ADCY7: variants seen among roughly 807,000 people sequenced by gnomAD.
ADCY7 encodes adenylate cyclase 7, also known as adenylate cyclase type 7.
A neutral mutation model predicts 120.6 loss-of-function variants in ADCY7; 72 were observed. The observed-to-expected ratio is 0.60, with a 90% CI of 0.49 to 0.73. ADCY7 has a LOEUF of 0.73. Ranked by LOEUF, ADCY7 falls within the 30% of genes least tolerant of loss-of-function variation. The pLI, the probability that ADCY7 is intolerant of heterozygous loss-of-function variation, is 0.00. For synonymous variants in ADCY7, 661 were observed against 628.0 expected, an observed-to-expected ratio of 1.05 and a Z score of -0.78; for missense variants, 1,227 against 1,486.0, an observed-to-expected ratio of 0.83 and a Z score of 2.87.
In ADCY7 at chr16:50,300,763, A is replaced by G. The variant is rs763931931; in HGVS notation, c.1125A>G (p.Ile375Met). 1.3e-6 allele frequency: 2 copies of G among 1,552,618 alleles called. No homozygotes were observed. Among genetic ancestry groups the G allele is most frequent in the Non-Finnish European group, 1.7e-6 (2 of 1,147,510 alleles). ...TGGACATCAACATGCGTGTGGGCAT[A>G]CACTCGGGGAATGTGCTGTGCGGGG... is the stretch of plus-strand genomic sequence containing the variant. ...TGVDINMRVGIHSGNVLCGVI... is the reference protein window; with the variant it reads ...TGVDINMRVGMHSGNVLCGVI... Residue 375 changes from isoleucine (I) to methionine (M), a missense_variant, in exon 9 of 26, where the codon ATA becomes ATG. Ile to Met is a conservative substitution (Grantham distance 10). This residue lies in a region of ADCY7 where 332 missense variants were observed against 455.8 expected (regional missense o/e 0.73). Transcript: ENST00000673801.
chr16:50,271,978 C>T (rs1024740281), intron 1 of ADCY7, among the ~76,000 whole-genome samples: 17 of 152,196 alleles, frequency 1.1e-4, no homozygotes, highest in African/African-American at 3.9e-4. Context: ...CCCCCACCAC[C>T]GCTGACCACT....
intron 1 of ADCY7, among the ~76,000 whole-genome samples, chr16:50,248,180 G>A (rs530591499): frequency 5.5e-4 from 84 of 152,286 alleles, no homozygotes; most frequent in Admixed American, 5.4e-3. Flanking sequence ...AGTGGGCCTG[G>A]TGAGTGCCCG....
intron 4 of ADCY7, among the ~76,000 whole-genome samples, 167 bp downstream of exon 4, chr16:50,292,064 A>G (rs1265102295): frequency 6.6e-6 from 1 of 152,228 alleles, no homozygotes; most frequent in African/African-American, 2.4e-5. Context: ...GCTGGGCTCC[A>G]GGCGTGGCCC....
chr16:50,262,620 C>T (rs948782537), upstream of ADCY7, among the ~76,000 whole-genome samples: 5 of 152,208 alleles, frequency 3.3e-5, no homozygotes, highest in Non-Finnish European at 5.9e-5. Context: ...AGCCACCATG[C>T]CCTGCCGGCT....
chr16:50,247,881 G>C (rs1353959495), intron 1 of ADCY7, among the ~76,000 whole-genome samples: 1 of 152,166 alleles, frequency 6.6e-6, no homozygotes, highest in Non-Finnish European at 1.5e-5. Flanking sequence ...GGGCTTAAAA[G>C]AGTGGGTACT....
At chr16:50,299,359 G>A (rs114124456) in intron 8 of ADCY7, among the ~76,000 whole-genome samples, 2,170 of 152,346 alleles carry the variant, frequency 0.014, 52 homozygotes, top group African/African-American at 0.049. Context: ...GTAGGCAGCC[G>A]GGGGACCTTT....
rs940570470 is a variant in ADCY7 at position 50,267,213 on chromosome 16, T to G, written c.-269+533T>G. Among the ~76,000 whole-genome samples the G allele has an allele frequency of 3.3e-5, 5 of 152,340 alleles. 1 individual carries two copies. The South Asian group carries it at 8.3e-4, about 25-fold the overall frequency. Reference sequence around the variant, plus strand: ...CTGGTTTCCCTTTCCCTGCAATGCCTCTCCTCTATCCCCCAGGGACCGCAT... The same window carrying G: ...CTGGTTTCCCTTTCCCTGCAATGCCGCTCCTCTATCCCCCAGGGACCGCAT... On this transcript the variant is annotated intron_variant, in intron 1 of 25. Transcript: ENST00000673801.
In ADCY7 at chr16:50,315,760, G is replaced by A. The variant is rs1039635841; in HGVS notation, c.*255G>A. 2 of 417,794 alleles carry A rather than the reference G, an allele frequency of 4.8e-6. No homozygotes were observed. The highest frequency in any genetic ancestry group is 8.7e-6 in the Non-Finnish European group (2 of 229,254). 25.9% of individuals were successfully genotyped at this position (417,794 alleles called of 1,614,324 possible). A position where few individuals can be genotyped will look rare whatever the true frequency, so the allele number is the denominator to read the frequency against. ...TGTAACAGTTTCCAGGCCAGCTGGA[G>A]AATGTTCACTGGTTCGGGGCTGACT... is the stretch of plus-strand genomic sequence containing the variant. On this transcript the variant is annotated 3_prime_UTR_variant, in exon 26 of 26. Transcript: ENST00000673801.
intron 22 of ADCY7, 51 bp downstream of exon 22, chr16:50,313,087 G>A: frequency 1.9e-6 from 3 of 1,605,096 alleles, no homozygotes; most frequent in South Asian, 2.2e-5. Context: ...ATGCTGGAGA[G>A]GGAAGGGCGG....
chr16:50,267,346 A>T (rs528843693), intron 1 of ADCY7, among the ~76,000 whole-genome samples: 1 of 152,200 alleles, frequency 6.6e-6, no homozygotes, highest in African/African-American at 2.4e-5. Flanking sequence ...TCTCTGTGTC[A>T]TCACATCAGG....
intron 17 of ADCY7, 148 bp downstream of exon 17, chr16:50,308,940 C>G: frequency 1.0e-6 from 1 of 962,588 alleles, no homozygotes; most frequent in East Asian, 2.9e-5. Context: ...TTTGTACACT[C>G]AGGGCTCCTC....
At chr16:50,291,593 T>A (rs993339510) in intron 3 of ADCY7, 143 bp from the exon 4 acceptor site, 3 of 871,590 alleles carry the variant, frequency 3.4e-6, no homozygotes, top group Non-Finnish European at 5.4e-6. Context: ...TCTTGTTCCC[T>A]TGTATGTCTG....
intron 8 of ADCY7, among the ~76,000 whole-genome samples, chr16:50,299,717 A>G (rs1340628727): frequency 2.0e-5 from 3 of 152,196 alleles, no homozygotes; most frequent in Admixed American, 2.0e-4. Flanking sequence ...CCTGGCCTGC[A>G]CCACTGCCTG....
chr16:50,281,077 G>C (rs549221117), intron 1 of ADCY7, among the ~76,000 whole-genome samples: 13 of 152,182 alleles, frequency 8.5e-5, no homozygotes, highest in African/African-American at 3.1e-4. Context: ...ATGCGGTGGG[G>C]GGCCTGCCCA....
At chr16:50,262,197 C>A (rs1199448309), upstream of ADCY7, among the ~76,000 whole-genome samples, 1 of 152,032 alleles carries the variant, frequency 6.6e-6, no homozygotes, top group Non-Finnish European at 1.5e-5. Flanking sequence ...GGTAGGAAGT[C>A]CTTCTCCCCT....
intron 17 of ADCY7, 39 bp downstream of exon 17, chr16:50,308,831 G>C (rs564237496): frequency 6.4e-7 from 1 of 1,569,988 alleles, no homozygotes; most frequent in South Asian, 1.1e-5. Context: ...CCGGGGTAGA[G>C]GGAGACCTCC....
chr16:50,312,818 C>T, intron 21 of ADCY7, 72 bp from the exon 22 acceptor site: 2 of 1,457,836 alleles, frequency 1.4e-6, no homozygotes, highest in East Asian at 2.7e-5. Context: ...GCCATCTGCT[C>T]CTGAGGCCTT....
chr16:50,264,769 T>G (rs139419651), upstream of ADCY7, among the ~76,000 whole-genome samples: 289 of 152,232 alleles, frequency 1.9e-3, 2 homozygotes, highest in African/African-American at 6.7e-3. Flanking sequence ...GAAGTACCTG[T>G]GTAAGTCTCT....
intron 1 of ADCY7, among the ~76,000 whole-genome samples, chr16:50,280,652 C>G (rs1444837354): frequency 6.6e-6 from 1 of 152,198 alleles, no homozygotes; most frequent in Non-Finnish European, 1.5e-5. Context: ...CTACCCATCC[C>G]TAGAAGTAGC....
Sources: allele counts gnomAD v4.1 joint callset (sites outside exome capture counted in the v4.1 genomes callset), GRCh38; gene constraint gnomAD v4.1.1; regional missense constraint gnomAD v4.1.1; transcripts MANE v1.5; gene names NCBI Gene and HGNC (gene_info 2026-07-23, HGNC 2026-07-21).